The following ZNF66 variants were observed in gnomAD, a reference collection of about 807,000 sequenced individuals.
ZNF66 encodes putative zinc finger protein 66.
Under a neutral mutation model 35.2 loss-of-function variants are expected in ZNF66, and 32 were observed. The ratio of observed to expected loss-of-function variants is 0.91; its 90% CI spans 0.69 to 1.22. The LOEUF is 1.22. Among genes scored for constraint, ZNF66 ranks in the 50% most tolerant of loss-of-function variants. ZNF66 has a pLI of 0.00. For missense variants in ZNF66, 666 were observed against 543.1 expected (o/e 1.23, Z -2.25); for synonymous variants, 231 against 181.3 (o/e 1.27, Z -2.20).
intron 1 of ZNF66, among the ~76,000 whole-genome samples, chr19:20,780,034 C>G (rs1359026412): frequency 6.6e-6 from 1 of 151,682 alleles, no homozygotes; most frequent in Admixed American, 6.6e-5. Flanking sequence ...TTGCTTGAAC[C>G]CAGGAGGTGG....
chr19:20,786,359 T>TG (rs1420937338), intron 1 of ZNF66, among the ~76,000 whole-genome samples: 1 of 152,194 alleles, frequency 6.6e-6, no homozygotes, highest in African/African-American at 2.4e-5. Flanking sequence ...CACTGACTCT[T>TG]GTATCTTCAG....
rs1971513878 is a variant in ZNF66, at chr19:20,806,590, A to G, written c.990A>G (p.Thr330=). ...TCAACTGGTCCTCACACCTTACTAC[A>G]CATAAGAGAATTCATACTGGAGAGA... ...KAFNWSSHLT[T]HKRIHTGEKP... Residue 330 remains threonine, a synonymous_variant, in exon 4 of 4, where the codon ACA becomes ACG. Transcript: ENST00000344519. 6.3e-7 allele frequency: 1 copy of G among 1,593,700 alleles called. No homozygotes were observed. The highest frequency in any genetic ancestry group is 8.6e-7 in the Non-Finnish European group (1 of 1,162,586).
In ZNF66 at chr19:20,808,099, CACTG is replaced by C. The variant is rs141062155; in HGVS notation, c.*779_*782del. 0.13 allele frequency among the ~76,000 whole-genome samples: 19,881 copies of C among 152,120 alleles called. 1,508 individuals carry two copies. The highest frequency in any genetic ancestry group is 0.2 in the African/African-American group (8,300 of 41,466). On this transcript the variant is annotated 3_prime_UTR_variant, in exon 4 of 4. Transcript: ENST00000344519. ...AGAGGGTCCTATGCCCATGGAGTCTCACTGATTGCTAGCACAGCAGTCTGAGATC... is the reference window on the plus strand; with the variant it reads ...AGAGGGTCCTATGCCCATGGAGTCTCATTGCTAGCACAGCAGTCTGAGATC...
chr19:20,798,244 TA>T (rs4026025), intron 3 of ZNF66, among the ~76,000 whole-genome samples: 2 of 151,962 alleles, frequency 1.3e-5, no homozygotes, highest in East Asian at 1.9e-4. Flanking sequence ...AGTTTTTCTT[TA>T]AAAAAATTGT....
chr19:20,783,321 A>G (rs1971260705), intron 1 of ZNF66, among the ~76,000 whole-genome samples: 1 of 152,202 alleles, frequency 6.6e-6, no homozygotes, highest in Non-Finnish European at 1.5e-5. Flanking sequence ...AACTATTTAA[A>G]AAGTTCCAAA....
At chr19:20,797,420 A>T (rs111434473) in intron 3 of ZNF66, among the ~76,000 whole-genome samples, 1 of 123,372 alleles carries the variant, frequency 8.1e-6, no homozygotes, top group Non-Finnish European at 1.8e-5. Context: ...GTTAGCCAGG[A>T]TGGTCTCGAT....
intron 1 of ZNF66, among the ~76,000 whole-genome samples, chr19:20,778,666 C>T (rs983576305): frequency 6.6e-6 from 1 of 151,760 alleles, no homozygotes; most frequent in African/African-American, 2.4e-5. Context: ...GCCTGTATTC[C>T]CAGCTACTTG....
Position 20,795,793 on chromosome 19 carries a change from G to A in ZNF66, c.226+1915G>A, listed in dbSNP as rs1971386612. Reference sequence around the variant, plus strand: ...AGTCTGCAGGCCTGCCTACATTGTTGTAAATGGGTGCCTTCCTCCAGGTCT... The same window carrying A: ...AGTCTGCAGGCCTGCCTACATTGTTATAAATGGGTGCCTTCCTCCAGGTCT... On this transcript the variant is annotated intron_variant, in intron 3 of 3. Transcript: ENST00000344519. Among the ~76,000 whole-genome samples the A allele has an allele frequency of 2.6e-5, 4 of 152,160 alleles. No homozygotes were observed. In the East Asian group the frequency reaches 7.7e-4, roughly 29 times the overall value.
In ZNF66 at chr19:20,807,417, A is replaced by G; in HGVS notation, c.*95A>G. On this transcript the variant is annotated 3_prime_UTR_variant, in exon 4 of 4. Transcript: ENST00000344519. ...TGGGAAAGACTTTAACCAGCTATCA[A>G]CTTTTACTAAATATGAGAATTTATG... 3.6e-6 allele frequency: 2 copies of G among 556,934 alleles called. No individual in the cohort carries two copies. Among genetic ancestry groups the G allele is most frequent in the Non-Finnish European group, 6.4e-6 (2 of 313,390 alleles). The allele number at this position is 556,934 out of a possible 1,614,324, so 34.5% of individuals were successfully genotyped here.
chr19:20,802,456 C>T (rs1050591179), intron 3 of ZNF66, among the ~76,000 whole-genome samples: 1 of 151,074 alleles, frequency 6.6e-6, no homozygotes, highest in Non-Finnish European at 1.5e-5. Flanking sequence ...AGTGCATGCT[C>T]AAGAGTGTGT....
chr19:20,803,527 T>C (rs920372382), intron 3 of ZNF66, among the ~76,000 whole-genome samples: 1 of 151,926 alleles, frequency 6.6e-6, no homozygotes, highest in Non-Finnish European at 1.5e-5. Context: ...TTGCCAATTA[T>C]ATTTTTTATG....
chr19:20,776,477 G>C, intron 1 of ZNF66, 27 bp downstream of exon 1: 1 of 1,536,260 alleles, frequency 6.5e-7, no homozygotes, highest in Admixed American at 1.7e-5. Flanking sequence ...AGCATCCCGA[G>C]AGAGGTGAAG....
At chr19:20,790,197 A>G (rs1964337) in intron 1 of ZNF66, among the ~76,000 whole-genome samples, 70,842 of 145,502 alleles carry the variant, frequency 0.49, 13,244 homozygotes, top group East Asian at 0.52. Flanking sequence ...AGTGATTATC[A>G]GCCCAGGGTT....
intron 1 of ZNF66, among the ~76,000 whole-genome samples, chr19:20,782,622 T>C (rs1385241915): frequency 1.3e-5 from 2 of 152,198 alleles, no homozygotes; most frequent in Non-Finnish European, 2.9e-5. Flanking sequence ...TCTCTAGTGA[T>C]TAGTAATGAG....
intron 1 of ZNF66, among the ~76,000 whole-genome samples, chr19:20,790,149 T>C (rs1470738714): frequency 6.6e-6 from 1 of 152,276 alleles, no homozygotes; most frequent in East Asian, 1.9e-4. Context: ...CCAAGTGATT[T>C]ATAAGCTTGT....
At chr19:20,783,436 C>G (rs530618530) in intron 1 of ZNF66, among the ~76,000 whole-genome samples, 1 of 152,116 alleles carries the variant, frequency 6.6e-6, no homozygotes, top group Non-Finnish European at 1.5e-5. Context: ...GCTAAATAAA[C>G]CTTTTTCATT....
chr19:20,792,730 AAG>A, intron 2 of ZNF66, 92 bp downstream of exon 2: 1 of 806,434 alleles, frequency 1.2e-6, no homozygotes, highest in Non-Finnish European at 1.9e-6. Context: ...CTTTTTATAA[AAG>A]AGTTTCAGAT....
In ZNF66 at chr19:20,807,249, C is replaced by A. The variant is rs757819124; in HGVS notation, c.1649C>A (p.Ser550Ter). Residue 550 changes from serine (S) to a stop codon, truncating the protein, a stop_gained, in exon 4 of 4, where the codon TCA becomes TAA. Coordinates refer to ENST00000344519, the MANE Select transcript of ZNF66 (RefSeq NM_001355197.2). LOFTEE classifies it high-confidence loss of function. ...NKCGKAFISS[S>*]NLSRHEIIHM... is the part of the protein sequence containing the mutation. The stretch of plus-strand genomic sequence containing the variant: ...TGTGGCAAAGCCTTTATTTCATCCT[C>A]AAACCTTAGTAGACATGAGATAATT... 2 of 707,560 alleles carry A rather than the reference C, an allele frequency of 2.8e-6. No individual in the cohort carries two copies. Among genetic ancestry groups the A allele is most frequent in the Admixed American group, 4.7e-5 (2 of 42,294 alleles). 43.8% of individuals were successfully genotyped at this position (707,560 alleles called of 1,614,324 possible).
chr19:20,781,908 C>T (rs1429607493), intron 1 of ZNF66, among the ~76,000 whole-genome samples: 1 of 151,884 alleles, frequency 6.6e-6, no homozygotes, highest in Non-Finnish European at 1.5e-5. Flanking sequence ...ATGATGTTTA[C>T]GTACCATATT....
Sources: allele counts gnomAD v4.1 joint callset (sites outside exome capture counted in the v4.1 genomes callset), GRCh38; gene constraint gnomAD v4.1.1; transcripts MANE v1.5; gene names NCBI Gene and HGNC (gene_info 2026-07-23, HGNC 2026-07-21).